The following PLPPR4 variants were observed in gnomAD, a reference collection of about 807,000 sequenced individuals.
The protein encoded by PLPPR4 is phospholipid phosphatase-related protein type 4.
In PLPPR4, 24 loss-of-function variants were observed where a neutral mutation model predicts 56.6. The observed-to-expected ratio is 0.42, with a 90% confidence interval of 0.31 to 0.60. The LOEUF (loss-of-function observed/expected upper bound fraction) is 0.60, where lower values mean the gene tolerates loss of function less well. Among genes scored for constraint, PLPPR4 ranks in the 20% least tolerant of loss-of-function variants. PLPPR4 has a pLI of 0.13. For missense variants in PLPPR4, 654 were observed against 885.8 expected (o/e 0.74, Z 3.32); for synonymous variants, 326 against 328.1 (o/e 0.99, Z 0.07).
chr1:99,294,098 C>CA (rs397714686), intron 2 of PLPPR4, among the ~76,000 whole-genome samples: 77,882 of 146,060 alleles, frequency 0.53, 20,348 homozygotes, highest in East Asian at 0.59. Flanking sequence ...CTGTGCCATT[C>CA]AAAAAAAAAA....
chr1:99,298,163 GA>G (rs1659790013), intron 3 of PLPPR4, among the ~76,000 whole-genome samples: 1 of 152,074 alleles, frequency 6.6e-6, no homozygotes, highest in Admixed American at 6.6e-5. Context: ...GGTGACTGAA[GA>G]ATTACCCTGG....
Position 99,301,816 on chromosome 1 carries a change from A to G in PLPPR4, c.741A>G (p.Leu247=). ...TFIICGIICG[L]TRITQYKNHP... ...TCATCTGTGGAATAATCTGCGGGCTAACACGGATAACTCAGTATAAGAACC... is the reference window on the plus strand; with the variant it reads ...TCATCTGTGGAATAATCTGCGGGCTGACACGGATAACTCAGTATAAGAACC... The change falls in exon 6 of 7, where the codon CTA becomes CTG. Residue 247 remains leucine (L), a synonymous_variant. Transcript: ENST00000370185. The G allele has an allele frequency of 6.2e-7, 1 of 1,612,856 alleles. No homozygotes were observed. The highest frequency in any genetic ancestry group is 8.5e-7 in the Non-Finnish European group (1 of 1,179,086).
At chr1:99,272,726 G>A (rs1318821256) in intron 1 of PLPPR4, among the ~76,000 whole-genome samples, 1 of 152,024 alleles carries the variant, frequency 6.6e-6, no homozygotes, top group Non-Finnish European at 1.5e-5. Context: ...GAGAGTACAG[G>A]GAAGTATAAA....
At chr1:99,290,035 A>G (rs1659574898) in intron 2 of PLPPR4, among the ~76,000 whole-genome samples, 1 of 152,194 alleles carries the variant, frequency 6.6e-6, no homozygotes. Context: ...TCCAATGTCT[A>G]GAAAACCCCA....
rs1057284481 is a variant in PLPPR4 at position 99,298,731 on chromosome 1, A to G, written c.395-304A>G. On this transcript the variant is annotated intron_variant, in intron 3 of 6. Coordinates refer to ENST00000370185, the MANE Select transcript of PLPPR4 (RefSeq NM_014839.5). Reference sequence around the variant, plus strand: ...ATTCCACACATGTCGTCGCTCTCAAATAATACCTTAGCATGTTCCAAGTGT... The same window carrying G: ...ATTCCACACATGTCGTCGCTCTCAAGTAATACCTTAGCATGTTCCAAGTGT... The G allele has an allele frequency of 7.0e-6, 4 of 570,080 alleles. No homozygotes were observed. The African/African-American group carries it at 7.6e-5, about 11-fold the overall frequency. The allele number at this position is 570,080 out of a possible 1,614,324, so 35.3% of individuals were successfully genotyped here.
At chr1:99,269,992 T>C (rs1659008758) in intron 1 of PLPPR4, among the ~76,000 whole-genome samples, 1 of 141,008 alleles carries the variant, frequency 7.1e-6, no homozygotes, top group Non-Finnish European at 1.5e-5. Flanking sequence ...AAGTTTTCAT[T>C]CCTTTTGTGT....
chr1:99,285,856 T>G (rs974774516), intron 1 of PLPPR4, among the ~76,000 whole-genome samples: 9 of 152,204 alleles, frequency 5.9e-5, no homozygotes, highest in Non-Finnish European at 8.8e-5. Context: ...TTGAGTGTTA[T>G]GTAAGTCCAC....
At chr1:99,279,519 T>C (rs1286933967) in intron 1 of PLPPR4, among the ~76,000 whole-genome samples, 1 of 152,068 alleles carries the variant, frequency 6.6e-6, no homozygotes, top group Non-Finnish European at 1.5e-5. Flanking sequence ...ACCACATCAG[T>C]GAGAGTGTGA....
chr1:99,297,351 A>G (rs1372733927), intron 3 of PLPPR4, among the ~76,000 whole-genome samples: 2 of 152,132 alleles, frequency 1.3e-5, no homozygotes, highest in Non-Finnish European at 2.9e-5. Context: ...CCTTGGTTGT[A>G]GCCCCTAATG....
At position 99,306,610 on chromosome 1, in the gene PLPPR4, G is replaced by A; in HGVS notation, c.1748G>A (p.Arg583Lys). 6.2e-7 allele frequency: 1 copy of A among 1,614,102 alleles called. No individual in the cohort carries two copies. The highest frequency in any genetic ancestry group is 8.5e-7 in the Non-Finnish European group (1 of 1,180,024). Reference sequence around the variant, plus strand: ...GTTGAGGCTCACCCAGAGAACAACAGGCCCATCATACAGATCCCGTCCACT... The same window carrying A: ...GTTGAGGCTCACCCAGAGAACAACAAGCCCATCATACAGATCCCGTCCACT... Reference protein sequence around the residue: ...VRVEAHPENNRPIIQIPSTEG... With the variant: ...VRVEAHPENNKPIIQIPSTEG... Residue 583 changes from arginine to lysine, a missense_variant, in exon 7 of 7, where the codon AGG becomes AAG. Around this residue, in one of 2 missense-constraint regions of PLPPR4, gnomAD observed 468 missense variants for 554.3 expected, o/e 0.84. Transcript: ENST00000370185. This position sits in a 1 kb window ranked among gnomAD's most constrained non-coding sequence, Gnocchi z 4.0.
intron 6 of PLPPR4, among the ~76,000 whole-genome samples, chr1:99,305,473 G>A (rs1182555028): frequency 2.0e-5 from 3 of 152,064 alleles, no homozygotes; most frequent in Non-Finnish European, 2.9e-5. Flanking sequence ...AAAAGAATGG[G>A]GTTCACATTG....
chr1:99,265,986 C>A (rs1489381684), intron 1 of PLPPR4, among the ~76,000 whole-genome samples: 1 of 152,152 alleles, frequency 6.6e-6, no homozygotes, highest in Non-Finnish European at 1.5e-5. Flanking sequence ...AAAAAAAAAT[C>A]TATGTATTTA....
intron 6 of PLPPR4, among the ~76,000 whole-genome samples, chr1:99,303,368 G>A (rs1379339249): frequency 6.6e-6 from 1 of 151,912 alleles, no homozygotes; most frequent in Non-Finnish European, 1.5e-5. Context: ...GGAGTTGAGG[G>A]GATCAATTGA....
chr1:99,304,119 G>T (rs1024134196), intron 6 of PLPPR4, among the ~76,000 whole-genome samples: 2 of 152,136 alleles, frequency 1.3e-5, no homozygotes, highest in Non-Finnish European at 2.9e-5. Flanking sequence ...AACAACTACA[G>T]ACATGTGTCA....
intron 1 of PLPPR4, among the ~76,000 whole-genome samples, chr1:99,266,120 T>A (rs1374596086): frequency 2.0e-5 from 3 of 152,220 alleles, no homozygotes; most frequent in African/African-American, 7.2e-5. Context: ...AGCAGAAGAT[T>A]CCATGATGAA....
At chr1:99,287,737 G>A (rs1659503682) in intron 1 of PLPPR4, among the ~76,000 whole-genome samples, 1 of 152,128 alleles carries the variant, frequency 6.6e-6, no homozygotes, top group Non-Finnish European at 1.5e-5. Flanking sequence ...AGGAGTGGAG[G>A]TGTAGCACCA....
rs759132918 is a variant in PLPPR4, at chr1:99,306,868, C to T, written c.2006C>T (p.Thr669Met). Residue 669 changes from threonine to methionine, a missense_variant, in exon 7 of 7, where the codon ACG becomes ATG. By Grantham distance (81) the Thr-to-Met change is moderately conservative (BLOSUM62 -1). Around this residue, in one of 2 missense-constraint regions of PLPPR4, gnomAD observed 468 missense variants for 554.3 expected, o/e 0.84. Coordinates refer to ENST00000370185, the MANE Select transcript of PLPPR4 (RefSeq NM_014839.5). The surrounding 1 kb of genome is among the most constrained non-coding windows in gnomAD (Gnocchi z 4.0). ...GAGGGCAGCGAAATTGGCTCAGAGA[C>T]GCTGTCCATTTCTTCTTCCCGCGAC... The part of the protein sequence containing the change: ...PVEGSEIGSE[T>M]LSISSSRDST... The T allele has an allele frequency of 1.4e-5, 22 of 1,614,006 alleles. No individual in the cohort carries two copies.
chr1:99,292,781 AT>A (rs970426318), intron 2 of PLPPR4, among the ~76,000 whole-genome samples: 4 of 150,334 alleles, frequency 2.7e-5, no homozygotes, highest in Admixed American at 1.3e-4. Context: ...CTCTACTTTC[AT>A]TTTTTTTTCT....
At chr1:99,305,100 C>T (rs998885336) in intron 6 of PLPPR4, among the ~76,000 whole-genome samples, 8 of 152,082 alleles carry the variant, frequency 5.3e-5, no homozygotes, top group African/African-American at 1.7e-4. Flanking sequence ...CCCAATCTGG[C>T]GATGGTTTTT....
Sources: gnomAD v4.1 joint callset for allele counts (sites outside exome capture counted in the v4.1 genomes callset) on GRCh38, gnomAD v4.1.1 for gene constraint, gnomAD v4.1.1 regional missense constraint, Gnocchi (gnomAD v3.1) non-coding constraint, MANE v1.5 for transcripts, NCBI Gene and HGNC (gene_info 2026-07-23, HGNC 2026-07-21) for gene names.